The following PSD3 variants were observed in gnomAD, a reference collection of about 807,000 sequenced individuals.
PSD3 encodes the protein pleckstrin and Sec7 domain containing 3.
In PSD3, 49 loss-of-function variants were observed where a neutral mutation model predicts 105.5. The observed-to-expected ratio is 0.46, with a 90% confidence interval of 0.37 to 0.59. PSD3 has a LOEUF of 0.59. Among genes scored for constraint, PSD3 ranks in the 20% least tolerant of loss-of-function variants. The pLI is 0.00. For synonymous variants in PSD3, 557 were observed against 457.8 expected (o/e 1.22, Z -2.77); for missense variants, 1,561 against 1,263.8 (o/e 1.24, Z -3.57).
intron 9 of PSD3, among the ~76,000 whole-genome samples, chr8:18,720,476 C>G (rs1442940135): frequency 6.6e-6 from 1 of 152,160 alleles, no homozygotes; most frequent in Non-Finnish European, 1.5e-5. Context: ...AAGCAAACCT[C>G]TATCCATATC....
rs530176518 is a variant in PSD3, at chr8:19,010,525, T to C, written c.21+3038A>G. Among the ~76,000 whole-genome samples the C allele has an allele frequency of 5.2e-4, 79 of 152,364 alleles. 1 individual carries two copies. The South Asian group carries it at 0.016, about 31-fold the overall frequency. ...GGATTTAAGAATAACTTGTTAACTATATGCTGCAAATTATCCTTTTTCTCC... is the reference window on the plus strand; with the variant it reads ...GGATTTAAGAATAACTTGTTAACTACATGCTGCAAATTATCCTTTTTCTCC... On this transcript the variant is annotated intron_variant, in intron 1 of 15. Coordinates refer to ENST00000327040, the MANE Select transcript of PSD3 (RefSeq NM_015310.4).
At chr8:18,725,059 T>A (rs1803252486) in intron 9 of PSD3, among the ~76,000 whole-genome samples, 1 of 152,220 alleles carries the variant, frequency 6.6e-6, no homozygotes, top group South Asian at 2.1e-4. Flanking sequence ...CTTGTTCTTT[T>A]CTACCAAATA....
At chr8:18,814,901 A>G (rs1812076859) in intron 4 of PSD3, among the ~76,000 whole-genome samples, 1 of 152,218 alleles carries the variant, frequency 6.6e-6, no homozygotes. Flanking sequence ...GCTGGGCAGC[A>G]AAAGGCGGCA....
intron 2 of PSD3, among the ~76,000 whole-genome samples, chr8:18,922,263 G>C (rs1330100396): frequency 6.6e-6 from 1 of 152,128 alleles, no homozygotes; most frequent in Non-Finnish European, 1.5e-5. Flanking sequence ...AACCCAAAGA[G>C]TTCTGTAAGT....
intron 4 of PSD3, among the ~76,000 whole-genome samples, chr8:18,826,306 C>T (rs1813182512): frequency 6.6e-6 from 1 of 152,162 alleles, no homozygotes; most frequent in Admixed American, 6.5e-5. Context: ...TGAACCAATT[C>T]CCTATAATGA....
intron 1 of PSD3, among the ~76,000 whole-genome samples, chr8:19,063,110 T>G (rs1446317120): frequency 6.6e-6 from 1 of 152,250 alleles, no homozygotes; most frequent in African/African-American, 2.4e-5. Context: ...TCAAATTTGC[T>G]AAAATCAGAG....
chr8:18,741,698 T>C (rs559146663), intron 9 of PSD3, among the ~76,000 whole-genome samples: 31 of 151,352 alleles, frequency 2.0e-4, no homozygotes, highest in Middle Eastern at 3.4e-3. Flanking sequence ...ATCAGCGGCA[T>C]GCTGCATTTT....
intron 9 of PSD3, among the ~76,000 whole-genome samples, chr8:18,664,413 A>C (rs1159038337): frequency 2.0e-5 from 3 of 152,250 alleles, no homozygotes; most frequent in Admixed American, 2.0e-4. Context: ...CTTAAGGCCA[A>C]AGCCTAATTC....
At chr8:18,676,193 T>C (rs999392595) in intron 9 of PSD3, among the ~76,000 whole-genome samples, 5 of 152,204 alleles carry the variant, frequency 3.3e-5, no homozygotes, top group Non-Finnish European at 7.3e-5. Flanking sequence ...AATGACAGCA[T>C]GGACCAGCAT....
At chr8:18,673,202 CCACACA>C (rs139648260) in intron 9 of PSD3, among the ~76,000 whole-genome samples, 18 of 142,814 alleles carry the variant, frequency 1.3e-4, no homozygotes, top group African/African-American at 3.9e-4. Context: ...ACACACCCAT[CCACACA>C]CACACACACA....
At chr8:18,591,777 T>C (rs1803631199) in intron 12 of PSD3, among the ~76,000 whole-genome samples, 1 of 152,182 alleles carries the variant, frequency 6.6e-6, no homozygotes, top group African/African-American at 2.4e-5. Context: ...ACTGATGGCA[T>C]ACACTTGGTG....
Position 18,588,079 on chromosome 8 carries a change from T to C in PSD3, c.2481+12285A>G, listed in dbSNP as rs148429596. 5.3e-5 allele frequency among the ~76,000 whole-genome samples: 8 copies of C among 152,176 alleles called. No individual in the cohort carries two copies. The East Asian group carries it at 1.5e-3, about 29-fold the overall frequency. ...GAAGTTTAACTATCTACTACTCCTG[T>C]TTCTGCTGGATGGCTCGATACCCCA... On this transcript the variant is annotated intron_variant, in intron 12 of 15. Transcript: ENST00000327040.
intron 6 of PSD3, among the ~76,000 whole-genome samples, chr8:18,802,648 G>A (rs955005420): frequency 2.0e-5 from 3 of 152,128 alleles, no homozygotes; most frequent in Non-Finnish European, 4.4e-5. Flanking sequence ...AATCACTGCA[G>A]TACTACACTC....
At chr8:18,924,305 C>T (rs758502963) in intron 2 of PSD3, among the ~76,000 whole-genome samples, 4 of 152,224 alleles carry the variant, frequency 2.6e-5, no homozygotes, top group South Asian at 2.1e-4. Flanking sequence ...AGTTTAATAA[C>T]GGCCAAGGAA....
intron 9 of PSD3, among the ~76,000 whole-genome samples, chr8:18,703,149 A>C (rs915447866): frequency 6.6e-6 from 1 of 152,174 alleles, no homozygotes; most frequent in African/African-American, 2.4e-5. Context: ...ATACAAGAAA[A>C]AGAAGGCAAC....
At chr8:18,730,443 A>T (rs913217678) in intron 9 of PSD3, 1 of 152,226 alleles carries the variant, frequency 6.6e-6, no homozygotes, top group Non-Finnish European at 1.5e-5. Context: ...AAAACCCTTT[A>T]TATATAAATA....
chr8:19,036,063 T>C (rs1158354213), intron 1 of PSD3, among the ~76,000 whole-genome samples: 3 of 152,046 alleles, frequency 2.0e-5, no homozygotes, highest in Non-Finnish European at 2.9e-5. Flanking sequence ...CCAAAAAAAA[T>C]ATATTTTCTA....
At chr8:18,792,215 G>A (rs1809788416) in intron 8 of PSD3, among the ~76,000 whole-genome samples, 1 of 152,122 alleles carries the variant, frequency 6.6e-6, no homozygotes, top group Admixed American at 6.5e-5. Flanking sequence ...CCATTACTGG[G>A]TATATATGTA....
intron 9 of PSD3, among the ~76,000 whole-genome samples, chr8:18,732,075 G>C (rs1245440990): frequency 6.6e-6 from 1 of 151,854 alleles, no homozygotes; most frequent in Admixed American, 6.6e-5. Context: ...TGGTATCACT[G>C]TGCCCCTCAG....
Sources: gnomAD v4.1 joint callset for allele counts (sites outside exome capture counted in the v4.1 genomes callset) on GRCh38, gnomAD v4.1.1 for gene constraint, MANE v1.5 for transcripts, NCBI Gene and HGNC (gene_info 2026-07-23, HGNC 2026-07-21) for gene names.